ADGRG3: variants seen among roughly 807,000 people sequenced by gnomAD.
The protein encoded by ADGRG3 is adhesion G protein-coupled receptor G3, also known as G protein-coupled receptor 97.
Under a neutral mutation model 54.3 loss-of-function variants are expected in ADGRG3, and 39 were observed. That is an observed-to-expected ratio of 0.72 (90% CI 0.56 to 0.94). The LOEUF is 0.94. ADGRG3 is among the 40% of genes least tolerant of loss of function. The pLI is 0.00. For missense variants in ADGRG3, 654 were observed against 694.6 expected (o/e 0.94, Z 0.66); for synonymous variants, 312 against 290.0 (o/e 1.08, Z -0.77).
At chr16:57,675,422 C>T (rs538619361) in intron 2 of ADGRG3, among the ~76,000 whole-genome samples, 1 of 152,222 alleles carries the variant, frequency 6.6e-6, no homozygotes, top group African/African-American at 2.4e-5. Flanking sequence ...GTCAGGAGTT[C>T]GAGACCAGTC....
chr16:57,676,348 T>C lies in ADGRG3; in HGVS notation c.345+10T>C. On this transcript the variant is annotated intron_variant, in intron 3 of 11. Transcript: ENST00000333493. The stretch of plus-strand genomic sequence containing the variant: ...TCTGGAGCCCTCTCAGGTGAAGAGC[T>C]CCCCAGCCCTCTTGGCTGGTTCGGA... 1 of 1,613,138 alleles carries C rather than the reference T, an allele frequency of 6.2e-7. No homozygotes were observed. Among genetic ancestry groups the C allele is most frequent in the South Asian group, 1.1e-5 (1 of 91,056 alleles).
chr16:57,672,007 TA>T (rs2148694879), intron 1 of ADGRG3, among the ~76,000 whole-genome samples: 1 of 151,498 alleles, frequency 6.6e-6, no homozygotes, highest in East Asian at 1.9e-4. Context: ...AAAATAAAAA[TA>T]AACAACATAA....
intron 1 of ADGRG3, among the ~76,000 whole-genome samples, chr16:57,670,581 CCT>C (rs1437916096): frequency 1.4e-4 from 22 of 152,100 alleles, no homozygotes; most frequent in Admixed American, 1.2e-3. Context: ...CCTCTTCTCC[CCT>C]TTTTTAAAAA....
Position 57,684,149 on chromosome 16 carries a change from G to A in ADGRG3, c.1099G>A (p.Ala367Thr), listed in dbSNP as rs1227024311. The stretch of plus-strand genomic sequence containing the variant: ...TGAAGCCTTCCACCTCTACCTGCTC[G>A]CTGTCAGGGTCTTCAACACCTACTT... ...GLEAFHLYLLAVRVFNTYFGH... is the reference protein window; with the variant it reads ...GLEAFHLYLLTVRVFNTYFGH... Residue 367 changes from alanine (A) to threonine (T), a missense_variant, in exon 9 of 12, where the codon GCT (alanine) becomes ACT (threonine). Transcript: ENST00000333493. The A allele has an allele frequency of 1.2e-5, 19 of 1,613,882 alleles. No individual in the cohort carries two copies. Among genetic ancestry groups the A allele is most frequent in the East Asian group, 4.5e-5 (2 of 44,892 alleles).
intron 2 of ADGRG3, among the ~76,000 whole-genome samples, chr16:57,675,342 G>A (rs927242181): frequency 6.6e-6 from 1 of 151,996 alleles, no homozygotes. Context: ...AAAGAAATAG[G>A]GCCAGGTGCA....
intron 6 of ADGRG3, 117 bp downstream of exon 6, chr16:57,679,972 T>G: frequency 2.0e-6 from 1 of 504,952 alleles, no homozygotes. Context: ...TCCCCTCCCC[T>G]CCCCTCCTCT....
rs76843915 is a variant in ADGRG3, at chr16:57,678,844, C to G, written c.493-333C>G. 0.014 allele frequency: 5,441 copies of G among 399,152 alleles called. 346 individuals carry two copies. The East Asian group carries it at 0.16, about 12-fold the overall frequency. 24.7% of individuals were successfully genotyped at this position (399,152 alleles called of 1,614,324 possible). A position where few individuals can be genotyped will look rare whatever the true frequency, so the allele number is the denominator to read the frequency against. On this transcript the variant is annotated intron_variant, in intron 4 of 11. Transcript: ENST00000333493. Reference sequence around the variant, plus strand: ...ACACTCACGCTAAGACCCTCAGGGGCACGCTATCCTCCCCGCTGACTTCCA... The same window carrying G: ...ACACTCACGCTAAGACCCTCAGGGGGACGCTATCCTCCCCGCTGACTTCCA...
In ADGRG3 at chr16:57,684,176, G is replaced by A. The variant is rs771429590; in HGVS notation, c.1126G>A (p.Gly376Arg). ...TGTCAGGGTCTTCAACACCTACTTC[G>A]GGCACTACTTCCTGAAGCTGAGCCT... is the stretch of plus-strand genomic sequence containing the variant. ...LAVRVFNTYF[G>R]HYFLKLSLVG... The change falls in exon 9 of 12, where the codon GGG (glycine) becomes AGG (arginine). Residue 376 changes from glycine to arginine, a missense_variant. Gly to Arg is a moderately radical substitution (Grantham distance 125). Transcript: ENST00000333493. The A allele has an allele frequency of 9.3e-6, 15 of 1,613,694 alleles. No individual in the cohort carries two copies. Among genetic ancestry groups the A allele is most frequent in the African/African-American group, 1.3e-5 (1 of 74,894 alleles).
intron 6 of ADGRG3, 71 bp from the exon 7 acceptor site, chr16:57,680,194 C>T (rs2048342112): frequency 1.3e-6 from 1 of 779,344 alleles, no homozygotes; most frequent in Non-Finnish European, 2.2e-6. Flanking sequence ...CCTCTGTTCC[C>T]CTCCTCTCCC....
At chr16:57,667,610 G>T (rs566384435), upstream of ADGRG3, among the ~76,000 whole-genome samples, 18 of 152,360 alleles carry the variant, frequency 1.2e-4, no homozygotes, top group East Asian at 3.5e-3. Flanking sequence ...TGCATGCAAG[G>T]TCACCCGGCC....
Position 57,679,304 on chromosome 16 carries a change from C to G in ADGRG3, c.620C>G (p.Pro207Arg). 6.2e-7 allele frequency: 1 copy of G among 1,613,792 alleles called. No individual in the cohort carries two copies. Among genetic ancestry groups the G allele is most frequent in the Non-Finnish European group, 8.5e-7 (1 of 1,179,886 alleles). The change falls in exon 5 of 12, where the codon CCG (proline) becomes CGG (arginine). Residue 207 changes from proline to arginine, a missense_variant. Transcript: ENST00000333493. ...PLEIVFSHQR[P>R]PPNMTLTCVF... ...GAGATCGTCTTCTCTCACCAGCGAC[C>G]GCCCCCTGTGAGTCCCCTGCTCAGG...
At chr16:57,678,566 T>C (rs2048306055) in intron 4 of ADGRG3, 1 of 551,320 alleles carries the variant, frequency 1.8e-6, no homozygotes, top group African/African-American at 1.9e-5. Flanking sequence ...GGCTTGTCTA[T>C]GTGTCCTGTG....
chr16:57,680,306 G>T lies in ADGRG3; in HGVS notation c.709G>T (p.Val237Phe), dbSNP rs1394187021. 6.2e-7 allele frequency: 1 copy of T among 1,612,062 alleles called. No homozygotes were observed. Among genetic ancestry groups the T allele is most frequent in the Non-Finnish European group, 8.5e-7 (1 of 1,179,440 alleles). ...DWSSEGCSTE[V>F]RPEGTVCCCD... is the part of the protein sequence containing the mutation. ...GTCTTCTGAGGGCTGCTCCACGGAG[G>T]TCAGACCTGAGGGGACCGTGTGCTG... Residue 237 changes from valine to phenylalanine, a missense_variant, in exon 7 of 12, where the codon GTC (valine) becomes TTC (phenylalanine). Physicochemically the swap from Val to Phe is conservative, Grantham distance 50. Coordinates refer to ENST00000333493, the MANE Select transcript of ADGRG3 (RefSeq NM_170776.5).
At chr16:57,688,285 C>A in intron 11 of ADGRG3, 67 bp from the exon 12 acceptor site, 1 of 1,012,326 alleles carries the variant, frequency 9.9e-7, no homozygotes, top group Non-Finnish European at 1.6e-6. Flanking sequence ...CAGCAGCCAC[C>A]AGCCCAGGCT....
At chr16:57,666,109 A>G (rs9806793), upstream of ADGRG3, among the ~76,000 whole-genome samples, 122,802 of 152,100 alleles carry the variant, frequency 0.81, 50,467 homozygotes, top group East Asian at 0.98. Flanking sequence ...CGGGGGATCA[A>G]AGCCAGCTTC....
At chr16:57,678,025 C>T in intron 3 of ADGRG3, 145 bp from the exon 4 acceptor site, 1 of 908,470 alleles carries the variant, frequency 1.1e-6, no homozygotes. Context: ...TTGCACTGTG[C>T]CCCAGGTGTC....
At chr16:57,668,742 C>T (rs995502494) in intron 1 of ADGRG3, among the ~76,000 whole-genome samples, 29 of 152,278 alleles carry the variant, frequency 1.9e-4, no homozygotes, top group African/African-American at 6.7e-4. Context: ...AGGGGTTGGC[C>T]CCGGGCAGGC....
chr16:57,684,830 T>C (rs2048443995), intron 10 of ADGRG3, among the ~76,000 whole-genome samples: 1 of 151,328 alleles, frequency 6.6e-6, no homozygotes, highest in African/African-American at 2.4e-5. Context: ...GCCTGGAGAG[T>C]GGAGGGTGTG....
At chr16:57,667,707 C>T (rs887233045), upstream of ADGRG3, among the ~76,000 whole-genome samples, 2 of 152,186 alleles carry the variant, frequency 1.3e-5, no homozygotes, top group Admixed American at 6.5e-5. Flanking sequence ...CCTCTGGGTC[C>T]GTCCTGTTAT....
Sources: allele counts gnomAD v4.1 joint callset (sites outside exome capture counted in the v4.1 genomes callset), GRCh38; gene constraint gnomAD v4.1.1; transcripts MANE v1.5; gene names NCBI Gene and HGNC (gene_info 2026-07-23, HGNC 2026-07-21).